The following PDE10A variants were observed in gnomAD, a reference collection of about 807,000 sequenced individuals.
PDE10A encodes the protein cAMP and cAMP-inhibited cGMP 3',5'-cyclic phosphodiesterase 10A.
In PDE10A, 39 loss-of-function variants were observed where a neutral mutation model predicts 97.7. The observed-to-expected ratio is 0.40, with a 90% CI of 0.31 to 0.52. The LOEUF is 0.52. Among genes scored for constraint, PDE10A ranks in the 20% least tolerant of loss-of-function variants. PDE10A has a pLI of 0.56. For synonymous variants in PDE10A, 371 were observed against 376.8 expected, an observed-to-expected ratio of 0.98 and a Z score of 0.18; for missense variants, 731 against 1,047.8, an observed-to-expected ratio of 0.70 and a Z score of 4.17.
At chr6:165,472,740 T>C (rs1361805502) in intron 3 of PDE10A, among the ~76,000 whole-genome samples, 5 of 152,114 alleles carry the variant, frequency 3.3e-5, no homozygotes, top group South Asian at 2.1e-4. Flanking sequence ...ATAGAAGAAA[T>C]AGAGATGCAT....
intron 10 of PDE10A, among the ~76,000 whole-genome samples, chr6:165,419,283 T>C (rs893377697): frequency 3.3e-5 from 5 of 152,274 alleles, no homozygotes; most frequent in Admixed American, 6.5e-5. Context: ...ATGGCTTTCA[T>C]ATTTGCATTA....
chr6:165,710,898 T>C (rs549284338), intron 1 of PDE10A, among the ~76,000 whole-genome samples: 2 of 152,354 alleles, frequency 1.3e-5, no homozygotes, highest in South Asian at 4.1e-4. Flanking sequence ...TCTTTCCTAA[T>C]CATAGGCAAT....
At chr6:165,929,943 G>A (rs1238836214) in intron 1 of PDE10A, among the ~76,000 whole-genome samples, 1 of 151,780 alleles carries the variant, frequency 6.6e-6, no homozygotes, top group Admixed American at 6.6e-5. Context: ...TGGGAAAAGA[G>A]TGCTCCCTAA....
intron 1 of PDE10A, among the ~76,000 whole-genome samples, chr6:165,842,089 A>C (rs1002341413): frequency 3.3e-5 from 5 of 152,272 alleles, no homozygotes; most frequent in African/African-American, 1.2e-4. Context: ...ATTGTGTAAT[A>C]TAACCATGGT....
intron 2 of PDE10A, among the ~76,000 whole-genome samples, chr6:165,524,732 GC>G (rs1782329218): frequency 1.3e-5 from 2 of 152,158 alleles, no homozygotes; most frequent in African/African-American, 4.8e-5. Flanking sequence ...CTCTTATCAT[GC>G]AAGTGGCTAA....
At chr6:165,643,712 A>T (rs1422241510) in intron 1 of PDE10A, among the ~76,000 whole-genome samples, 1 of 152,210 alleles carries the variant, frequency 6.6e-6, no homozygotes, top group Admixed American at 6.5e-5. Context: ...GGGGAAAAGA[A>T]AGATCTTGGT....
At chr6:165,951,408 T>G (rs931360572) in intron 1 of PDE10A, among the ~76,000 whole-genome samples, 3 of 152,148 alleles carry the variant, frequency 2.0e-5, no homozygotes, top group Non-Finnish European at 4.4e-5. Context: ...GGGGGTATTT[T>G]CTGATCTATT....
chr6:165,636,300 TAC>T (rs112690089), intron 1 of PDE10A, among the ~76,000 whole-genome samples: 5 of 149,690 alleles, frequency 3.3e-5, no homozygotes, highest in Admixed American at 6.6e-5. Flanking sequence ...ATCCCTCCCA[TAC>T]ACACACACAC....
intron 8 of PDE10A, among the ~76,000 whole-genome samples, chr6:165,430,838 C>G (rs927160496): frequency 1.3e-5 from 2 of 152,164 alleles, no homozygotes; most frequent in East Asian, 3.9e-4. Context: ...TCATCAACCT[C>G]AATTTGCTGA....
At chr6:165,481,998 T>G (rs892366326) in intron 3 of PDE10A, among the ~76,000 whole-genome samples, 3 of 152,208 alleles carry the variant, frequency 2.0e-5, no homozygotes. Context: ...TTATCTTACC[T>G]TCTGGTTCAA....
At chr6:165,493,786 C>T (rs556546736) in intron 2 of PDE10A, among the ~76,000 whole-genome samples, 1 of 152,082 alleles carries the variant, frequency 6.6e-6, no homozygotes, top group South Asian at 2.1e-4. Context: ...TGACCAAGAA[C>T]CCAAAAGCAA....
At chr6:165,568,201 A>G (rs964296112) in intron 1 of PDE10A, among the ~76,000 whole-genome samples, 103 of 151,956 alleles carry the variant, frequency 6.8e-4, no homozygotes, top group East Asian at 3.5e-3. Flanking sequence ...GGGTTTCACC[A>G]TGTTAGACAC....
chr6:165,646,652 C>T (rs559089057), intron 1 of PDE10A, among the ~76,000 whole-genome samples: 9 of 152,270 alleles, frequency 5.9e-5, no homozygotes, highest in East Asian at 3.9e-4. Flanking sequence ...CTTATGATGT[C>T]GAGGAAAGAC....
intron 18 of PDE10A, among the ~76,000 whole-genome samples, chr6:165,363,632 A>C (rs1783567257): frequency 6.6e-6 from 1 of 152,224 alleles, no homozygotes; most frequent in Non-Finnish European, 1.5e-5. Flanking sequence ...CACAAAGAGA[A>C]ACCTAAGCAA....
At chr6:165,719,964 C>G (rs1562702748) in intron 1 of PDE10A, among the ~76,000 whole-genome samples, 15 of 152,226 alleles carry the variant, frequency 9.9e-5, no homozygotes. Context: ...TCTCATCACA[C>G]AGAGTCCACA....
At chr6:165,523,904 G>C (rs1782277854) in intron 2 of PDE10A, among the ~76,000 whole-genome samples, 1 of 152,158 alleles carries the variant, frequency 6.6e-6, no homozygotes, top group Non-Finnish European at 1.5e-5. Context: ...GTTGTCAAAG[G>C]AGATTACCAT....
chr6:165,598,573 C>G (rs1235077518), intron 1 of PDE10A, among the ~76,000 whole-genome samples: 5 of 152,046 alleles, frequency 3.3e-5, no homozygotes, highest in Non-Finnish European at 7.4e-5. Flanking sequence ...AGGCTCAGAT[C>G]TGTAAAATGG....
At chr6:165,866,240 A>G (rs1050800932) in intron 1 of PDE10A, among the ~76,000 whole-genome samples, 4 of 152,128 alleles carry the variant, frequency 2.6e-5, no homozygotes, top group Middle Eastern at 3.4e-3. Context: ...CATTGTAGAG[A>G]TAATTTAGTT....
chr6:165,870,724 A>C (rs13437602), intron 1 of PDE10A, among the ~76,000 whole-genome samples: 3,376 of 152,316 alleles, frequency 0.022, 56 homozygotes, highest in Non-Finnish European at 0.032. Context: ...GAGAGGATAA[A>C]TAGATAAAGA....
Sources: gnomAD v4.1 joint callset for allele counts (sites outside exome capture counted in the v4.1 genomes callset) on GRCh38, gnomAD v4.1.1 for gene constraint, MANE v1.5 for transcripts, NCBI Gene and HGNC (gene_info 2026-07-23, HGNC 2026-07-21) for gene names.